RGS5: variants seen among roughly 807,000 people sequenced by gnomAD.
RGS5 encodes the protein regulator of G-protein signalling 5.
RGS5 carries 20 observed loss-of-function variants against 18.9 expected under a neutral mutation model. That is an observed-to-expected ratio of 1.06 (90% CI 0.74 to 1.54). The LOEUF is 1.54. Ranked by LOEUF, RGS5 falls within the 40% of genes most tolerant of loss-of-function variation. The probability of loss-of-function intolerance (pLI) is 0.00; values close to 1 mark genes in which losing one functional copy is unlikely to be tolerated. For missense variants in RGS5, 201 were observed against 211.8 expected (o/e 0.95, Z 0.32); for synonymous variants, 57 against 76.2 (o/e 0.75, Z 1.31).
chr1:163,281,043 G>T (rs1648978753), intron 2 of RGS5, among the ~76,000 whole-genome samples: 2 of 152,110 alleles, frequency 1.3e-5, no homozygotes, highest in African/African-American at 4.8e-5. Flanking sequence ...TCTTTCCTGT[G>T]CTGTCCTTGG....
At chr1:163,251,549 C>T (rs1032444624) in intron 2 of RGS5, among the ~76,000 whole-genome samples, 7 of 152,066 alleles carry the variant, frequency 4.6e-5, no homozygotes, top group African/African-American at 9.7e-5. Flanking sequence ...TCTTTTCTAT[C>T]GTTTCTATCT....
At chr1:163,161,656 G>A in intron 3 of RGS5, 1 of 364,120 alleles carries the variant, frequency 2.7e-6, no homozygotes, top group Non-Finnish European at 5.2e-6. Flanking sequence ...ATGCAAGTAA[G>A]CAGGACAGAT....
At chr1:163,223,784 A>G (rs987477309) in intron 2 of RGS5, among the ~76,000 whole-genome samples, 1 of 152,290 alleles carries the variant, frequency 6.6e-6, no homozygotes, top group Non-Finnish European at 1.5e-5. Context: ...AAACCTTGCA[A>G]TTATCTTAGC....
chr1:163,189,062 C>T (rs1158673942), intron 1 of RGS5, among the ~76,000 whole-genome samples: 1 of 151,734 alleles, frequency 6.6e-6, no homozygotes, highest in African/African-American at 2.4e-5. Context: ...CCAGATGAAG[C>T]AGCTGTTCTG....
chr1:163,179,308 A>G (rs1202586233), intron 1 of RGS5, among the ~76,000 whole-genome samples: 1 of 152,242 alleles, frequency 6.6e-6, no homozygotes, highest in Non-Finnish European at 1.5e-5. Context: ...TCTCATCTGT[A>G]AAATGAAGAT....
At position 163,195,441 on chromosome 1, in the gene RGS5, G is replaced by A. The variant is rs372743990; in HGVS notation, c.44+7351C>T. Among the ~76,000 whole-genome samples, 4 of 151,560 alleles carry A rather than the reference G, an allele frequency of 2.6e-5. No individual in the cohort carries two copies. The East Asian group carries it at 7.8e-4, about 30-fold the overall frequency. On this transcript the variant is annotated intron_variant, in intron 1 of 4. Coordinates refer to ENST00000313961, the MANE Select transcript of RGS5 (RefSeq NM_003617.4). ...AATCAGGGGGCAAGGGTGAAAGGGG[G>A]ATGAGGGATAAAAGACTGCCTATAG...
intron 2 of RGS5, among the ~76,000 whole-genome samples, chr1:163,259,318 A>AT (rs147396685): frequency 0.22 from 31,633 of 146,658 alleles, 3,554 homozygotes; most frequent in African/African-American, 0.3. Context: ...TGCCCGGCTA[A>AT]TTTTTTTTTT....
intron 1 of RGS5, among the ~76,000 whole-genome samples, chr1:163,188,670 G>A (rs934468241): frequency 7.9e-5 from 12 of 152,102 alleles, no homozygotes; most frequent in African/African-American, 2.9e-4. Context: ...CTAGAAAAAA[G>A]TTACTGTGGC....
chr1:163,223,732 T>A (rs1647275832), intron 2 of RGS5, among the ~76,000 whole-genome samples: 1 of 152,156 alleles, frequency 6.6e-6, no homozygotes, highest in South Asian at 2.1e-4. Flanking sequence ...TCCATACTCC[T>A]TGATGTACAC....
intron 3 of RGS5, among the ~76,000 whole-genome samples, chr1:163,160,456 C>T (rs1657756346): frequency 6.6e-6 from 1 of 152,152 alleles, no homozygotes; most frequent in African/African-American, 2.4e-5. Context: ...TTCATTCACT[C>T]ATTCACTACA....
At chr1:163,252,511 A>T (rs113138155) in intron 2 of RGS5, among the ~76,000 whole-genome samples, 1,568 of 152,316 alleles carry the variant, frequency 0.01, 8 homozygotes, top group South Asian at 0.018. Flanking sequence ...CACATGTTAT[A>T]GATCACAAGT....
chr1:163,279,362 G>A (rs1002245866), intron 2 of RGS5, among the ~76,000 whole-genome samples: 1 of 151,882 alleles, frequency 6.6e-6, no homozygotes, highest in Non-Finnish European at 1.5e-5. Context: ...TCAATAAGAA[G>A]AGGAACTCTG....
At chr1:163,312,877 T>C (rs905781915) in intron 1 of RGS5, among the ~76,000 whole-genome samples, 1 of 152,234 alleles carries the variant, frequency 6.6e-6, no homozygotes, top group African/African-American at 2.4e-5. Context: ...TGATGGCTAT[T>C]GTATTTGTAA....
chr1:163,242,182 C>T (rs1294671725), intron 2 of RGS5, among the ~76,000 whole-genome samples: 1 of 152,048 alleles, frequency 6.6e-6, no homozygotes, highest in Admixed American at 6.6e-5. Context: ...TTAGTGGCTC[C>T]TTGAGGATAG....
chr1:163,268,695 C>T (rs1460487222), intron 2 of RGS5, among the ~76,000 whole-genome samples: 1 of 152,090 alleles, frequency 6.6e-6, no homozygotes, highest in Admixed American at 6.6e-5. Context: ...ACCAAAATTA[C>T]TCAAACTATC....
At chr1:163,183,937 T>G (rs1043324953) in intron 1 of RGS5, among the ~76,000 whole-genome samples, 1 of 152,200 alleles carries the variant, frequency 6.6e-6, no homozygotes, top group Non-Finnish European at 1.5e-5. Flanking sequence ...AAATTTCACA[T>G]AAGTTTTCGA....
intron 2 of RGS5, among the ~76,000 whole-genome samples, chr1:163,276,490 A>G (rs557557710): frequency 2.0e-5 from 3 of 152,354 alleles, no homozygotes; most frequent in South Asian, 2.1e-4. Flanking sequence ...TCTAATTGCT[A>G]TAAGTCTGTA....
intron 2 of RGS5, among the ~76,000 whole-genome samples, chr1:163,226,550 C>A (rs939364618): frequency 3.3e-5 from 5 of 152,124 alleles, no homozygotes; most frequent in African/African-American, 1.2e-4. Flanking sequence ...GAAAAACAAA[C>A]CTGTTCCATA....
chr1:163,172,474 G>C, intron 1 of RGS5: 1 of 1,448,886 alleles, frequency 6.9e-7, no homozygotes, highest in South Asian at 1.3e-5. Context: ...AGAGTTTTTT[G>C]TGGAATGATC....
Sources: gnomAD v4.1 joint callset for allele counts (sites outside exome capture counted in the v4.1 genomes callset) on GRCh38, gnomAD v4.1.1 for gene constraint, MANE v1.5 for transcripts, NCBI Gene and HGNC (gene_info 2026-07-23, HGNC 2026-07-21) for gene names.